The following CHSY3 variants were observed in gnomAD, a reference collection of about 807,000 sequenced individuals.
CHSY3 encodes chondroitin sulfate synthase 3.
In CHSY3, 35 loss-of-function variants were observed where a neutral mutation model predicts 67.2. That is an observed-to-expected ratio of 0.52 (90% CI 0.40 to 0.69). The LOEUF (loss-of-function observed/expected upper bound fraction) is 0.69, where lower values mean the gene tolerates loss of function less well. Ranked by LOEUF, CHSY3 falls within the 30% of genes least tolerant of loss-of-function variation. The pLI, the probability that CHSY3 is intolerant of heterozygous loss-of-function variation, is 0.00. For missense variants in CHSY3, 1,069 were observed against 1,138.5 expected (o/e 0.94, Z 0.88); for synonymous variants, 474 against 434.7 (o/e 1.09, Z -1.12).
At chr5:129,961,439 T>C (rs1368102339) in intron 2 of CHSY3, among the ~76,000 whole-genome samples, 1 of 152,048 alleles carries the variant, frequency 6.6e-6, no homozygotes, top group Non-Finnish European at 1.5e-5. Flanking sequence ...GACCACTTAC[T>C]GCCCCCTTTT....
chr5:130,008,599 A>C (rs553693530), intron 2 of CHSY3, among the ~76,000 whole-genome samples: 1 of 152,350 alleles, frequency 6.6e-6, no homozygotes, highest in South Asian at 2.1e-4. Context: ...CTAGCTCCCC[A>C]GCAATGGTTC....
intron 2 of CHSY3, among the ~76,000 whole-genome samples, chr5:130,081,791 G>A (rs1766454536): frequency 6.6e-6 from 1 of 152,044 alleles, no homozygotes; most frequent in Non-Finnish European, 1.5e-5. Flanking sequence ...CAAGCATGTG[G>A]AACTGTGAGT....
chr5:129,991,609 C>G (rs1259943766), intron 2 of CHSY3, among the ~76,000 whole-genome samples: 1 of 152,048 alleles, frequency 6.6e-6, no homozygotes, highest in Non-Finnish European at 1.5e-5. Context: ...GAGTGTTAAC[C>G]AGTGTCTGCC....
Position 130,121,788 on chromosome 5 carries a change from A to G in CHSY3, c.1087-62441A>G, listed in dbSNP as rs191685900. Among the ~76,000 whole-genome samples, 6 of 152,314 alleles carry G rather than the reference A, an allele frequency of 3.9e-5. No homozygotes were observed. In the East Asian group the frequency reaches 9.6e-4, roughly 24 times the overall value. On this transcript the variant is annotated intron_variant, in intron 2 of 2. Coordinates refer to ENST00000305031, the MANE Select transcript of CHSY3 (RefSeq NM_175856.5). ...ACATTATTGCTTTATTGAGCCAGGT[A>G]TGTCTCCAAATTGCTTATCTTTTTT... is the stretch of plus-strand genomic sequence containing the variant.
chr5:130,152,696 A>C (rs1261180454), intron 2 of CHSY3, among the ~76,000 whole-genome samples: 2 of 152,240 alleles, frequency 1.3e-5, no homozygotes, highest in African/African-American at 4.8e-5. Context: ...TAAGAGAATC[A>C]CAGCTGTTGT....
chr5:130,141,944 T>C (rs1580775672), intron 2 of CHSY3: 2 of 211,358 alleles, frequency 9.5e-6, no homozygotes, highest in South Asian at 1.3e-4. Flanking sequence ...TTGAAGAGGC[T>C]GACTAAGTCA....
chr5:130,014,910 GCAAA>G (rs1764172835), intron 2 of CHSY3, among the ~76,000 whole-genome samples: 1 of 152,130 alleles, frequency 6.6e-6, no homozygotes, highest in Admixed American at 6.5e-5. Flanking sequence ...TATCAACAGA[GCAAA>G]CAGACATCCT....
At chr5:129,911,584 T>G (rs887706621) in intron 2 of CHSY3, among the ~76,000 whole-genome samples, 4 of 152,222 alleles carry the variant, frequency 2.6e-5, no homozygotes, top group Non-Finnish European at 5.9e-5. Flanking sequence ...ACGTACTATA[T>G]TATACAACAT....
intron 2 of CHSY3, among the ~76,000 whole-genome samples, chr5:129,954,881 T>A (rs529383444): frequency 1.2e-3 from 176 of 152,120 alleles, no homozygotes; most frequent in African/African-American, 3.3e-3. Context: ...ATATATATAT[T>A]TTTTTGAGAT....
chr5:130,143,736 A>G (rs57030478), intron 2 of CHSY3, among the ~76,000 whole-genome samples: 2,618 of 95,096 alleles, frequency 0.028, 120 homozygotes, highest in African/African-American at 0.085. Context: ...GTGTGTGTGT[A>G]TATATATATA....
rs780577418 is a variant in CHSY3 at position 129,905,203 on chromosome 5, C to T, written c.374C>T (p.Pro125Leu). Reference sequence around the variant, plus strand: ...GAGCCTGAGGGCGCGACGGGGCTTCCCGGTGCTCCAGCGGCCGAGGGGGAG... The same window carrying T: ...GAGCCTGAGGGCGCGACGGGGCTTCTCGGTGCTCCAGCGGCCGAGGGGGAG... Reference protein sequence around the residue: ...GREPEGATGLPGAPAAEGEPE... With the variant: ...GREPEGATGLLGAPAAEGEPE... Residue 125 changes from proline (P) to leucine (L), a missense_variant, in exon 1 of 3, where the codon CCC becomes CTC. Pro to Leu is a moderately conservative substitution (Grantham distance 98). Around this residue, in one of 5 missense-constraint regions of CHSY3, gnomAD observed 309 missense variants for 262.5 expected, o/e 1.18. Coordinates refer to ENST00000305031, the MANE Select transcript of CHSY3 (RefSeq NM_175856.5). 4 of 1,515,474 alleles carry T rather than the reference C, an allele frequency of 2.6e-6. No homozygotes were observed. Among genetic ancestry groups the T allele is most frequent in the Non-Finnish European group, 3.5e-6 (4 of 1,138,380 alleles). The allele number at this position is 1,515,474 out of a possible 1,614,324, so 93.9% of individuals were successfully genotyped here. A position where few individuals can be genotyped will look rare whatever the true frequency, so the allele number is the denominator to read the frequency against.
At chr5:130,090,799 C>T (rs190784827) in intron 2 of CHSY3, among the ~76,000 whole-genome samples, 2 of 152,170 alleles carry the variant, frequency 1.3e-5, no homozygotes, top group South Asian at 2.1e-4. Flanking sequence ...GAAGCAATTA[C>T]ATAATGTGAA....
At chr5:129,955,809 C>A (rs1350962735) in intron 2 of CHSY3, among the ~76,000 whole-genome samples, 1 of 152,098 alleles carries the variant, frequency 6.6e-6, no homozygotes, top group East Asian at 1.9e-4. Flanking sequence ...TCTGTTCTTG[C>A]ATTAGTTTGC....
chr5:130,160,495 CTTT>C (rs1769498980), intron 2 of CHSY3, among the ~76,000 whole-genome samples: 1 of 152,206 alleles, frequency 6.6e-6, no homozygotes, highest in Non-Finnish European at 1.5e-5. Context: ...CCCATTACTT[CTTT>C]ATTTCCTTTG....
chr5:130,143,818 A>G (rs1446347700), intron 2 of CHSY3, among the ~76,000 whole-genome samples: 4,612 of 116,608 alleles, frequency 0.04, 232 homozygotes, highest in Non-Finnish European at 0.062. Flanking sequence ...GTGTATATAT[A>G]TATATATATA....
At chr5:130,067,134 A>G (rs1765908298) in intron 2 of CHSY3, among the ~76,000 whole-genome samples, 1 of 152,148 alleles carries the variant, frequency 6.6e-6, no homozygotes, top group Non-Finnish European at 1.5e-5. Flanking sequence ...TTCACATCTT[A>G]GTTTGCTGAA....
At chr5:130,104,649 T>C (rs189294019) in intron 2 of CHSY3, among the ~76,000 whole-genome samples, 134 of 151,890 alleles carry the variant, frequency 8.8e-4, no homozygotes, top group African/African-American at 3.1e-3. Flanking sequence ...AAGGTGCTAT[T>C]ACTGGCACTA....
intron 2 of CHSY3, among the ~76,000 whole-genome samples, chr5:129,979,222 A>AG (rs1554074140): frequency 2.1e-4 from 32 of 149,098 alleles, no homozygotes; most frequent in African/African-American, 8.0e-4. Flanking sequence ...AAAAAAAAAA[A>AG]AAAGAAAGAA....
intron 2 of CHSY3, among the ~76,000 whole-genome samples, chr5:130,093,132 C>A (rs1766935492): frequency 6.6e-6 from 1 of 152,096 alleles, no homozygotes; most frequent in African/African-American, 2.4e-5. Flanking sequence ...GGGTTAGTTT[C>A]AATCTAAACA....
Sources: allele counts gnomAD v4.1 joint callset (sites outside exome capture counted in the v4.1 genomes callset), GRCh38; gene constraint gnomAD v4.1.1; regional missense constraint gnomAD v4.1.1; transcripts MANE v1.5; gene names NCBI Gene and HGNC (gene_info 2026-07-23, HGNC 2026-07-21).